The following HPSE2 variants were observed in gnomAD, a reference collection of about 807,000 sequenced individuals.
The protein encoded by HPSE2 is inactive heparanase-2.
A neutral mutation model predicts 60.5 loss-of-function variants in HPSE2; 38 were observed. The observed-to-expected ratio is 0.63, with a 90% CI of 0.48 to 0.82. The LOEUF is 0.82. Ranked by LOEUF, HPSE2 falls within the 40% of genes least tolerant of loss-of-function variation. The probability of loss-of-function intolerance (pLI) is 0.00; values close to 1 mark genes in which losing one functional copy is unlikely to be tolerated. For synonymous variants in HPSE2, 295 were observed against 293.2 expected (o/e 1.01, Z -0.06); for missense variants, 713 against 740.4 (o/e 0.96, Z 0.43).
chr10:99,065,810 C>A (rs890429105), intron 3 of HPSE2, among the ~76,000 whole-genome samples: 3 of 152,116 alleles, frequency 2.0e-5, no homozygotes, highest in Non-Finnish European at 4.4e-5. Flanking sequence ...CCATTTTATC[C>A]AAAATACATG....
At position 98,828,704 on chromosome 10, in the gene HPSE2, G is replaced by C. The variant is rs115837365; in HGVS notation, c.611-84648C>G. On this transcript the variant is annotated intron_variant, in intron 3 of 11. Coordinates refer to ENST00000370552, the MANE Select transcript of HPSE2 (RefSeq NM_021828.5). ...TTACAATAAACAAACAAAAACCCCA[G>C]AAGGTAAGTGTCGGCTGGTAAGAGT... is the stretch of plus-strand genomic sequence containing the variant. Among the ~76,000 whole-genome samples the C allele has an allele frequency of 4.3e-3, 660 of 152,266 alleles. 1 individual carries two copies. The highest frequency in any genetic ancestry group is 0.015 in the African/African-American group (635 of 41,554).
At chr10:98,686,408 T>A (rs1947916920) in intron 6 of HPSE2, among the ~76,000 whole-genome samples, 1 of 152,178 alleles carries the variant, frequency 6.6e-6, no homozygotes, top group Admixed American at 6.5e-5. Flanking sequence ...TCATAGGTTA[T>A]TTATTTATTT....
At chr10:98,513,340 G>T (rs1942484736) in intron 9 of HPSE2, among the ~76,000 whole-genome samples, 1 of 152,218 alleles carries the variant, frequency 6.6e-6, no homozygotes, top group African/African-American at 2.4e-5. Context: ...CATTAGCTCA[G>T]TTGGGGTTCC....
At chr10:98,813,648 C>T (rs1036209883) in intron 3 of HPSE2, among the ~76,000 whole-genome samples, 4 of 152,142 alleles carry the variant, frequency 2.6e-5, no homozygotes, top group Non-Finnish European at 5.9e-5. Context: ...CCCATGGGTT[C>T]CAAATTACTA....
chr10:98,985,482 C>T (rs1333763323), intron 3 of HPSE2, among the ~76,000 whole-genome samples: 2 of 152,172 alleles, frequency 1.3e-5, no homozygotes, highest in Non-Finnish European at 2.9e-5. Flanking sequence ...AAAACAGCTC[C>T]TGAAGGAAGC....
intron 3 of HPSE2, among the ~76,000 whole-genome samples, chr10:98,755,833 GAAAAATGC>G (rs1949866145): frequency 6.6e-6 from 1 of 151,696 alleles, no homozygotes; most frequent in Admixed American, 6.6e-5. Flanking sequence ...CCATCTCTAT[GAAAAATGC>G]AAAAATTAGT....
intron 9 of HPSE2, among the ~76,000 whole-genome samples, chr10:98,512,101 T>TA (rs1942427497): frequency 6.6e-6 from 1 of 152,252 alleles, no homozygotes; most frequent in Non-Finnish European, 1.5e-5. Flanking sequence ...ATGCCAGAGC[T>TA]AATGTGTGAG....
chr10:98,474,958 A>G (rs1431790092), intron 11 of HPSE2, among the ~76,000 whole-genome samples: 1 of 152,080 alleles, frequency 6.6e-6, no homozygotes, highest in African/African-American at 2.4e-5. Flanking sequence ...AACACCCCAC[A>G]TTAAATAGCT....
chr10:98,743,454 C>T (rs1949551592), intron 4 of HPSE2, among the ~76,000 whole-genome samples: 1 of 152,194 alleles, frequency 6.6e-6, no homozygotes, highest in African/African-American at 2.4e-5. Flanking sequence ...AGGAGGTTCA[C>T]ATACTGTATA....
At chr10:98,753,582 G>A (rs1050455920) in intron 3 of HPSE2, among the ~76,000 whole-genome samples, 1 of 152,218 alleles carries the variant, frequency 6.6e-6, no homozygotes, top group Admixed American at 6.5e-5. Flanking sequence ...AAGGAATGAA[G>A]CACTTTTGCT....
rs767720704 is a variant in HPSE2, at chr10:98,459,662, C to T, written c.1691G>A (p.Arg564Gln). ...AGGGATGACCAATGTCCGGCCGGCC[C>T]GAAGGGGGCGGGGCTTCAATTCTGG... ...TLPELKPRPL[R>Q]AGRTLVIPPV... The change falls in exon 12 of 12, where the codon CGG becomes CAG. Residue 564 changes from arginine (R) to glutamine (Q), a missense_variant. Coordinates refer to ENST00000370552, the MANE Select transcript of HPSE2 (RefSeq NM_021828.5). 5.7e-5 allele frequency: 92 copies of T among 1,614,006 alleles called. No homozygotes were observed. The highest frequency in any genetic ancestry group is 6.9e-5 in the Non-Finnish European group (81 of 1,180,028).
intron 3 of HPSE2, among the ~76,000 whole-genome samples, chr10:98,841,175 T>G (rs1951904375): frequency 6.6e-6 from 1 of 152,118 alleles, no homozygotes; most frequent in Non-Finnish European, 1.5e-5. Flanking sequence ...TGAGAATCGC[T>G]TGAACCCTGG....
At chr10:98,686,150 T>C (rs1947910267) in intron 6 of HPSE2, among the ~76,000 whole-genome samples, 1 of 152,202 alleles carries the variant, frequency 6.6e-6, no homozygotes. Flanking sequence ...TTCTGCTTTA[T>C]TGATTTCTGC....
intron 3 of HPSE2, among the ~76,000 whole-genome samples, chr10:98,930,671 C>T (rs985543268): frequency 1.4e-5 from 2 of 144,702 alleles, no homozygotes; most frequent in Non-Finnish European, 3.0e-5. Flanking sequence ...TTTTAACAAT[C>T]GCCATTCTGG....
At chr10:98,889,573 C>A (rs1317935974) in intron 3 of HPSE2, among the ~76,000 whole-genome samples, 5 of 151,898 alleles carry the variant, frequency 3.3e-5, no homozygotes, top group African/African-American at 1.2e-4. Context: ...TTGGCAAAGA[C>A]CAAATGAGAG....
intron 5 of HPSE2, among the ~76,000 whole-genome samples, chr10:98,709,690 A>AG (rs1278776479): frequency 2.6e-5 from 4 of 152,228 alleles, no homozygotes; most frequent in Non-Finnish European, 5.9e-5. Flanking sequence ...CCCACCCAAC[A>AG]GGGGACTCCA....
intron 9 of HPSE2, among the ~76,000 whole-genome samples, chr10:98,543,377 C>A (rs1459073944): frequency 1.3e-5 from 2 of 151,872 alleles, no homozygotes; most frequent in Admixed American, 1.3e-4. Flanking sequence ...CAAAATCATG[C>A]CAAAATGTAA....
chr10:99,057,605 A>G lies in HPSE2; in HGVS notation c.610+86633T>C, dbSNP rs147178551. 3.2e-3 allele frequency among the ~76,000 whole-genome samples: 483 copies of G among 152,296 alleles called. 2 individuals are homozygous for G. The highest frequency in any genetic ancestry group is 0.011 in the South Asian group (54 of 4,832). ...CAGACATTGCCACCATAAGTTGGGG[A>G]TAACTCCACACTCAGTTTGTCAACA... On this transcript the variant is annotated intron_variant, in intron 3 of 11. Transcript: ENST00000370552.
chr10:99,084,554 C>T (rs1044280813), intron 3 of HPSE2, among the ~76,000 whole-genome samples: 2 of 152,090 alleles, frequency 1.3e-5, no homozygotes, highest in African/African-American at 2.4e-5. Flanking sequence ...CTGCAAACAA[C>T]GCCACAGTGA....
Sources: allele counts gnomAD v4.1 joint callset (sites outside exome capture counted in the v4.1 genomes callset), GRCh38; gene constraint gnomAD v4.1.1; transcripts MANE v1.5; gene names NCBI Gene and HGNC (gene_info 2026-07-23, HGNC 2026-07-21).